Variants in CSMD1 observed in about 807,000 individuals in gnomAD.
CSMD1 encodes CUB and sushi domain-containing protein 1.
CSMD1 carries 213 observed loss-of-function variants against 417.5 expected under a neutral mutation model. The ratio of observed to expected loss-of-function variants is 0.51; its 90% CI spans 0.46 to 0.57. The LOEUF is 0.57. CSMD1 is among the 20% of genes least tolerant of loss of function. The pLI is 0.00. For synonymous variants in CSMD1, 2,862 were observed against 1,736.8 expected (o/e 1.65, Z -16.11); for missense variants, 6,923 against 4,529.7 (o/e 1.53, Z -15.17).
chr8:4,039,107 G>T (rs1481579357), intron 3 of CSMD1, among the ~76,000 whole-genome samples: 2 of 152,144 alleles, frequency 1.3e-5, no homozygotes, highest in African/African-American at 4.8e-5. Context: ...TCGAAAGGAA[G>T]TTTAAAATTC....
At chr8:3,648,051 G>A (rs1797664746) in intron 7 of CSMD1, among the ~76,000 whole-genome samples, 1 of 152,244 alleles carries the variant, frequency 6.6e-6, no homozygotes, top group Non-Finnish European at 1.5e-5. Flanking sequence ...CTACCTGCAT[G>A]GTTGGAGATG....
At chr8:3,363,446 C>T (rs1012929812) in intron 20 of CSMD1, among the ~76,000 whole-genome samples, 7 of 152,160 alleles carry the variant, frequency 4.6e-5, no homozygotes, top group African/African-American at 1.7e-4. Context: ...AGAAGAAAGG[C>T]TGCATGTCAG....
intron 5 of CSMD1, among the ~76,000 whole-genome samples, chr8:3,984,747 ATATATT>A (rs200702393): frequency 0.047 from 3,382 of 71,816 alleles, 226 homozygotes; most frequent in Non-Finnish European, 0.055. Flanking sequence ...ATATATATAT[ATATATT>A]TGTATGTATT....
intron 3 of CSMD1, among the ~76,000 whole-genome samples, chr8:4,066,448 G>A (rs1010265275): frequency 1.3e-5 from 2 of 152,104 alleles, no homozygotes; most frequent in African/African-American, 2.4e-5. Flanking sequence ...CTAGCTACCC[G>A]ATAATATTTT....
intron 4 of CSMD1, among the ~76,000 whole-genome samples, chr8:4,022,182 GTGTATA>G (rs1178032830): frequency 3.5e-5 from 2 of 57,756 alleles, no homozygotes; most frequent in Admixed American, 2.2e-4. Flanking sequence ...GTATATTTAT[GTGTATA>G]TATATATATA....
intron 10 of CSMD1, among the ~76,000 whole-genome samples, chr8:3,562,575 T>C (rs1168534026): frequency 6.6e-6 from 1 of 152,190 alleles, no homozygotes; most frequent in African/African-American, 2.4e-5. Context: ...TCTCCCTTAA[T>C]ATGCTTATTT....
chr8:3,559,557 G>A (rs865986147), intron 10 of CSMD1, among the ~76,000 whole-genome samples: 20 of 152,122 alleles, frequency 1.3e-4, no homozygotes, highest in African/African-American at 4.6e-4. Context: ...AAAAGAATTG[G>A]GTTTTTGTGT....
chr8:3,785,540 A>C (rs1237408529), intron 5 of CSMD1, among the ~76,000 whole-genome samples: 2 of 152,228 alleles, frequency 1.3e-5, no homozygotes, highest in Admixed American at 6.5e-5. Flanking sequence ...CCACAAACAC[A>C]ATCAGGGCTT....
intron 49 of CSMD1, among the ~76,000 whole-genome samples, chr8:3,070,944 T>G (rs562334406): frequency 6.6e-6 from 1 of 152,212 alleles, no homozygotes; most frequent in Non-Finnish European, 1.5e-5. Flanking sequence ...GTGGGCTTTA[T>G]AGGAAGCATG....
At chr8:4,276,439 G>T (rs117563167) in intron 3 of CSMD1, among the ~76,000 whole-genome samples, 2,813 of 152,132 alleles carry the variant, frequency 0.018, 46 homozygotes, top group Non-Finnish European at 0.028. Context: ...ACTCATGGAC[G>T]CTTGGAGGGG....
rs115960871 is a variant in CSMD1 at position 4,687,071 on chromosome 8, C to T, written c.86-49513G>A. ...ATGTCTTCTGAGGCTGAGCTTCAGG[C>T]GAGCCGGCCCCTGTGCAGGCTAACT... On this transcript the variant is annotated intron_variant, in intron 1 of 69. Transcript: ENST00000635120. Among the ~76,000 whole-genome samples, 396 of 152,268 alleles carry T rather than the reference C, an allele frequency of 2.6e-3. 5 individuals are homozygous for T. Among genetic ancestry groups the T allele is most frequent in the African/African-American group, 9.1e-3 (380 of 41,566 alleles).
intron 10 of CSMD1, among the ~76,000 whole-genome samples, chr8:3,543,592 AAAG>A (rs1217078393): frequency 6.6e-6 from 1 of 152,150 alleles, no homozygotes; most frequent in Non-Finnish European, 1.5e-5. Flanking sequence ...TATGAGAACA[AAAG>A]AAGGATTAAA....
At chr8:3,639,186 A>T (rs1797188086) in intron 7 of CSMD1, among the ~76,000 whole-genome samples, 1 of 152,246 alleles carries the variant, frequency 6.6e-6, no homozygotes, top group African/African-American at 2.4e-5. Flanking sequence ...GGACAGAGTA[A>T]GTCAGAAAGT....
At chr8:3,990,209 C>A (rs1464140257) in intron 5 of CSMD1, among the ~76,000 whole-genome samples, 1 of 152,136 alleles carries the variant, frequency 6.6e-6, no homozygotes, top group Non-Finnish European at 1.5e-5. Flanking sequence ...TTACAAACAA[C>A]AGGTATTTCA....
chr8:4,657,334 A>T (rs945824332), intron 1 of CSMD1, among the ~76,000 whole-genome samples: 7 of 152,168 alleles, frequency 4.6e-5, no homozygotes, highest in Non-Finnish European at 7.3e-5. Flanking sequence ...CAACTGGCAG[A>T]CTGAGAGAGG....
At chr8:4,280,452 G>C (rs1005305375) in intron 3 of CSMD1, among the ~76,000 whole-genome samples, 1 of 152,196 alleles carries the variant, frequency 6.6e-6, no homozygotes, top group Non-Finnish European at 1.5e-5. Context: ...ACCAATCTGA[G>C]CACTTGCATA....
Position 3,893,267 on chromosome 8 carries a change from A to G in CSMD1, c.818+104636T>C, listed in dbSNP as rs541444043. Among the ~76,000 whole-genome samples the G allele has an allele frequency of 1.8e-3, 261 of 147,182 alleles. 1 individual carries two copies. The highest frequency in any genetic ancestry group is 1.7e-3 in the Non-Finnish European group (111 of 66,966). On this transcript the variant is annotated intron_variant, in intron 5 of 69. Coordinates refer to ENST00000635120, the MANE Select transcript of CSMD1 (RefSeq NM_033225.6). ...TCTTATATTTGTAATATTTTAGCCT[A>G]TAAAACAAGTAATTTGTGATTTCTT...
intron 7 of CSMD1, among the ~76,000 whole-genome samples, chr8:3,695,114 G>GTGTA (rs1235511362): frequency 6.6e-6 from 1 of 151,632 alleles, no homozygotes; most frequent in African/African-American, 2.4e-5. Flanking sequence ...GTGTGTGTGT[G>GTGTA]TGGTTATTGA....
intron 3 of CSMD1, among the ~76,000 whole-genome samples, chr8:4,154,284 A>C (rs896282361): frequency 8.3e-4 from 127 of 152,310 alleles, no homozygotes; most frequent in African/African-American, 2.8e-3. Flanking sequence ...TAAATAAATA[A>C]ATAAGATGTT....
Sources: allele counts gnomAD v4.1 joint callset (sites outside exome capture counted in the v4.1 genomes callset), GRCh38; gene constraint gnomAD v4.1.1; transcripts MANE v1.5; gene names NCBI Gene and HGNC (gene_info 2026-07-23, HGNC 2026-07-21).